The following ZPBP variants were observed in gnomAD, a reference collection of about 807,000 sequenced individuals.
ZPBP encodes zona pellucida-binding protein 1.
A neutral mutation model predicts 44.8 loss-of-function variants in ZPBP; 26 were observed. The observed-to-expected ratio is 0.58, with a 90% CI of 0.43 to 0.81. ZPBP has a LOEUF of 0.81. ZPBP is among the 30% of genes least tolerant of loss of function. The probability of loss-of-function intolerance (pLI) is 0.00; values close to 1 mark genes in which losing one functional copy is unlikely to be tolerated. For synonymous variants in ZPBP, 174 were observed against 153.2 expected, an observed-to-expected ratio of 1.14 and a Z score of -1.00; for missense variants, 409 against 434.0, an observed-to-expected ratio of 0.94 and a Z score of 0.51.
At chr7:50,091,588 T>C (rs888535260) in intron 1 of ZPBP, among the ~76,000 whole-genome samples, 5 of 152,212 alleles carry the variant, frequency 3.3e-5, no homozygotes, top group Non-Finnish European at 7.4e-5. Flanking sequence ...ACTATAGTTC[T>C]TGATACACAC....
At chr7:50,057,919 C>T (rs1188681567) in intron 4 of ZPBP, 70 bp downstream of exon 4, 1 of 1,399,528 alleles carries the variant, frequency 7.1e-7, no homozygotes, top group Non-Finnish European at 9.9e-7. Context: ...TTAAGACAAG[C>T]CTACTTAAAC....
chr7:49,973,406 TCA>T (rs1796378528), intron 7 of ZPBP, among the ~76,000 whole-genome samples: 1 of 151,826 alleles, frequency 6.6e-6, no homozygotes, highest in African/African-American at 2.4e-5. Context: ...AAAATACAAC[TCA>T]CAGAATGGGG....
intron 6 of ZPBP, among the ~76,000 whole-genome samples, chr7:49,990,213 T>G (rs563747269): frequency 6.6e-6 from 1 of 152,290 alleles, no homozygotes; most frequent in African/African-American, 2.4e-5. Context: ...TAAATGTCAT[T>G]CTAGTATCCA....
In ZPBP at chr7:50,031,426, ATATAAT is replaced by A. The variant is rs1799604159; in HGVS notation, c.488-122_488-117del. 6.4e-6 allele frequency: 5 copies of A among 775,278 alleles called. No individual in the cohort carries two copies. In the South Asian group the frequency reaches 7.8e-5, roughly 12 times the overall value. The allele number at this position is 775,278 out of a possible 1,614,324, so 48.0% of individuals were successfully genotyped here. On this transcript the variant is annotated intron_variant, in intron 4 of 7. Transcript: ENST00000046087. ...ATGAATTCTTGGTACATGTTTTTAG[ATATAAT>A]TATATTTATTTTTAGTTCTCCAACA...
chr7:49,849,434 G>A (rs1790086753), downstream of ZPBP, among the ~76,000 whole-genome samples: 1 of 152,178 alleles, frequency 6.6e-6, no homozygotes, highest in Non-Finnish European at 1.5e-5. Flanking sequence ...AGCTCTGCTG[G>A]GAGCAGACTG....
At chr7:49,853,732 T>C (rs1440138597) in intron 2 of ZPBP, among the ~76,000 whole-genome samples, 1 of 152,202 alleles carries the variant, frequency 6.6e-6, no homozygotes, top group South Asian at 2.1e-4. Flanking sequence ...TTTTTTATTA[T>C]ACTTTAAGTT....
At chr7:49,945,645 G>A (rs1262672639) in intron 7 of ZPBP, among the ~76,000 whole-genome samples, 1 of 150,356 alleles carries the variant, frequency 6.7e-6, no homozygotes, top group Non-Finnish European at 1.5e-5. Context: ...TTTTTTTCCT[G>A]ATATAAGTAT....
chr7:49,994,485 A>C (rs773311850), intron 6 of ZPBP, among the ~76,000 whole-genome samples: 1 of 152,188 alleles, frequency 6.6e-6, no homozygotes, highest in Non-Finnish European at 1.5e-5. Flanking sequence ...CCATCTGATA[A>C]CAGTATTGCT....
chr7:49,853,464 C>T (rs1790281235), intron 2 of ZPBP, among the ~76,000 whole-genome samples: 1 of 152,146 alleles, frequency 6.6e-6, no homozygotes, highest in Non-Finnish European at 1.5e-5. Context: ...GGACCCAAAC[C>T]CCATCTCTGC....
At chr7:49,882,157 A>C (rs1288708076) in intron 2 of ZPBP, among the ~76,000 whole-genome samples, 1 of 152,176 alleles carries the variant, frequency 6.6e-6, no homozygotes, top group African/African-American at 2.4e-5. Context: ...GATATAATCA[A>C]TATTTGTTCT....
intron 7 of ZPBP, among the ~76,000 whole-genome samples, chr7:49,982,176 T>G (rs1427653651): frequency 5.1e-5 from 4 of 78,334 alleles, no homozygotes; most frequent in African/African-American, 2.1e-4. Context: ...ATTATATATA[T>G]ATAATTTATT....
intron 1 of ZPBP, among the ~76,000 whole-genome samples, chr7:49,910,014 T>C (rs1178262130): frequency 1.3e-5 from 2 of 151,620 alleles, no homozygotes; most frequent in East Asian, 3.9e-4. Flanking sequence ...GAGGCTAAGG[T>C]GGGAGGGTCC....
At chr7:50,083,577 G>C (rs1482905525) in intron 2 of ZPBP, among the ~76,000 whole-genome samples, 1 of 151,720 alleles carries the variant, frequency 6.6e-6, no homozygotes, top group African/African-American at 2.4e-5. Context: ...CAAAGAGGAG[G>C]GACTAGCAAT....
chr7:50,087,414 C>T (rs1802717303), intron 2 of ZPBP, among the ~76,000 whole-genome samples: 1 of 151,870 alleles, frequency 6.6e-6, no homozygotes, highest in Admixed American at 6.6e-5. Flanking sequence ...ACAAAAAACA[C>T]ATTATCGTCG....
chr7:50,040,726 C>T (rs988234301), intron 4 of ZPBP, among the ~76,000 whole-genome samples: 15 of 152,138 alleles, frequency 9.9e-5, no homozygotes, highest in South Asian at 6.2e-4. Context: ...CAAAACTTGG[C>T]GGCCATTTGG....
chr7:49,908,313 TTTGGAA>T (rs1211070380), intron 1 of ZPBP, among the ~76,000 whole-genome samples: 5 of 152,192 alleles, frequency 3.3e-5, no homozygotes, highest in Non-Finnish European at 7.3e-5. Context: ...TCAGGTTAAC[TTTGGAA>T]TGCCCTTGTC....
chr7:50,006,225 A>G (rs1798305274), intron 6 of ZPBP, among the ~76,000 whole-genome samples: 1 of 151,986 alleles, frequency 6.6e-6, no homozygotes, highest in Non-Finnish European at 1.5e-5. Context: ...ACAACCATAA[A>G]GATTAGTATG....
At chr7:49,955,270 A>C (rs1330281746) in intron 7 of ZPBP, among the ~76,000 whole-genome samples, 1 of 152,134 alleles carries the variant, frequency 6.6e-6, no homozygotes, top group East Asian at 1.9e-4. Flanking sequence ...TAAGAAACTA[A>C]AGAAAGGGCC....
At chr7:49,967,613 C>T (rs747949536) in intron 7 of ZPBP, among the ~76,000 whole-genome samples, 2 of 152,080 alleles carry the variant, frequency 1.3e-5, no homozygotes, top group Admixed American at 6.5e-5. Flanking sequence ...ATGGTGTGAT[C>T]TTGGCTCACT....
Sources: allele counts gnomAD v4.1 joint callset (sites outside exome capture counted in the v4.1 genomes callset), GRCh38; gene constraint gnomAD v4.1.1; transcripts MANE v1.5; gene names NCBI Gene and HGNC (gene_info 2026-07-23, HGNC 2026-07-21).